The following SLC25A48 variants were observed in gnomAD, a reference collection of about 807,000 sequenced individuals.
SLC25A48 encodes the protein solute carrier family 25 member 48, also known as CTC-321K16.1.
In SLC25A48, 29 loss-of-function variants were observed where a neutral mutation model predicts 32.2. The ratio of observed to expected loss-of-function variants is 0.90; its 90% CI spans 0.67 to 1.23. The LOEUF (loss-of-function observed/expected upper bound fraction) is 1.23, where lower values mean the gene tolerates loss of function less well. Among genes scored for constraint, SLC25A48 ranks in the 50% most tolerant of loss-of-function variants. SLC25A48 has a pLI of 0.00. For synonymous variants in SLC25A48, 164 were observed against 172.3 expected, an observed-to-expected ratio of 0.95 and a Z score of 0.38; for missense variants, 399 against 422.7, an observed-to-expected ratio of 0.94 and a Z score of 0.49.
chr5:135,681,049 G>A (rs548929679), intron 3 of SLC25A48, among the ~76,000 whole-genome samples: 1 of 151,986 alleles, frequency 6.6e-6, no homozygotes, highest in East Asian at 1.9e-4. Flanking sequence ...GCAATTGCAC[G>A]ATCTTGGCTC....
chr5:135,610,036 T>C (rs1752028679), intron 1 of SLC25A48, among the ~76,000 whole-genome samples: 1 of 152,198 alleles, frequency 6.6e-6, no homozygotes, highest in African/African-American at 2.4e-5. Flanking sequence ...GGCCATTTGG[T>C]AGCAAAAGCA....
intron 3 of SLC25A48, among the ~76,000 whole-genome samples, chr5:135,788,360 A>AC (rs74498744): frequency 5.0e-5 from 7 of 139,506 alleles, no homozygotes; most frequent in African/African-American, 1.4e-4. Flanking sequence ...GGGGGTGTAC[A>AC]CCCCCCCGCC....
chr5:135,705,310 T>C (rs187888036), intron 3 of SLC25A48, among the ~76,000 whole-genome samples: 60 of 152,342 alleles, frequency 3.9e-4, no homozygotes, highest in African/African-American at 1.4e-3. Context: ...TCACTGTTGA[T>C]AAATGGGAAG....
At chr5:135,831,708 AG>A, upstream of SLC25A48, among the ~76,000 whole-genome samples, 1 of 152,362 alleles carries the variant, frequency 6.6e-6, no homozygotes, top group East Asian at 1.9e-4. Flanking sequence ...AAAGTGGAAA[AG>A]CAGCCAGACC....
intron 2 of SLC25A48, among the ~76,000 whole-genome samples, chr5:135,631,440 T>A (rs959846679): frequency 6.6e-6 from 1 of 152,242 alleles, no homozygotes; most frequent in African/African-American, 2.4e-5. Flanking sequence ...CAGCCTTTTA[T>A]CTTCACAGGG....
intron 1 of SLC25A48, among the ~76,000 whole-genome samples, chr5:135,836,981 CCACACA>C (rs1173100163): frequency 8.6e-4 from 16 of 18,514 alleles, no homozygotes; most frequent in Non-Finnish European, 1.2e-3. Context: ...CCCCCCCCCC[CCACACA>C]CACACACATT....
intron 4 of SLC25A48, among the ~76,000 whole-genome samples, chr5:135,860,482 A>G (rs964771229): frequency 2.0e-5 from 3 of 152,134 alleles, no homozygotes; most frequent in African/African-American, 7.2e-5. Flanking sequence ...AGTGGTCACA[A>G]CCCCACTTTA....
chr5:135,664,604 C>T (rs905685389), intron 3 of SLC25A48, among the ~76,000 whole-genome samples: 6 of 152,126 alleles, frequency 3.9e-5, no homozygotes, highest in Non-Finnish European at 5.9e-5. Context: ...CCTAAGTCTC[C>T]GTAGTCCATT....
At chr5:135,739,068 C>T (rs543201933) in intron 3 of SLC25A48, among the ~76,000 whole-genome samples, 36 of 152,138 alleles carry the variant, frequency 2.4e-4, no homozygotes, top group Non-Finnish European at 2.5e-4. Context: ...GGCAACACAG[C>T]GATACTCCAT....
chr5:135,597,614 C>A (rs1436730969), intron 1 of SLC25A48, among the ~76,000 whole-genome samples: 1 of 152,254 alleles, frequency 6.6e-6, no homozygotes, highest in Non-Finnish European at 1.5e-5. Flanking sequence ...CTTCTCAAAT[C>A]TGGTGTGAGT....
chr5:135,754,253 C>T (rs1755840222), intron 3 of SLC25A48, among the ~76,000 whole-genome samples: 1 of 151,620 alleles, frequency 6.6e-6, no homozygotes, highest in African/African-American at 2.4e-5. Context: ...AGTCATTTCT[C>T]AAGGGTATTA....
chr5:135,688,339 A>G (rs1754066451), intron 3 of SLC25A48, among the ~76,000 whole-genome samples: 1 of 151,520 alleles, frequency 6.6e-6, no homozygotes, highest in South Asian at 2.1e-4. Context: ...GCCTCTGTGG[A>G]TACAGTTGAA....
At chr5:135,639,291 A>C (rs1466531165) in intron 3 of SLC25A48, among the ~76,000 whole-genome samples, 2 of 152,230 alleles carry the variant, frequency 1.3e-5, no homozygotes, top group East Asian at 3.8e-4. Context: ...CCAGACAATG[A>C]AAACTTTCAG....
chr5:135,878,636 G>C (rs1265090105), intron 6 of SLC25A48, among the ~76,000 whole-genome samples: 1 of 152,116 alleles, frequency 6.6e-6, no homozygotes, highest in African/African-American at 2.4e-5. Context: ...AGTGACAGAG[G>C]CCTGCACCAA....
rs552327240 is a variant in SLC25A48, at chr5:135,753,409, C to A, written c.-520-59114C>A. On this transcript the variant is annotated intron_variant, in intron 3 of 10. Coordinates refer to the SLC25A48 transcript ENST00000646290. ...ACGGGCTGTACACACAGAGCGCAAA[C>A]CCATGGTGTTATTAGTGGTAATATC... 1.1e-4 allele frequency among the ~76,000 whole-genome samples: 16 copies of A among 152,052 alleles called. 1 individual carries two copies. The South Asian group carries it at 1.2e-3, about 12-fold the overall frequency.
intron 2 of SLC25A48, among the ~76,000 whole-genome samples, chr5:135,847,173 A>G (rs909429304): frequency 3.3e-5 from 5 of 152,226 alleles, no homozygotes; most frequent in Admixed American, 3.3e-4. Context: ...AAGCTGGGCT[A>G]GGGAACCAAG....
intron 3 of SLC25A48, among the ~76,000 whole-genome samples, chr5:135,729,617 G>T (rs1755178364): frequency 1.3e-5 from 2 of 152,110 alleles, no homozygotes; most frequent in African/African-American, 4.8e-5. Context: ...AGAAATATCA[G>T]TTTTAAATGA....
At chr5:135,614,101 C>T (rs1580724328) in intron 1 of SLC25A48, among the ~76,000 whole-genome samples, 1 of 152,026 alleles carries the variant, frequency 6.6e-6, no homozygotes, top group East Asian at 1.9e-4. Flanking sequence ...TTTGTTGTGT[C>T]CTCTTCAATT....
chr5:135,713,753 A>G (rs1341860344), intron 3 of SLC25A48, among the ~76,000 whole-genome samples: 1 of 152,128 alleles, frequency 6.6e-6, no homozygotes, highest in East Asian at 1.9e-4. Context: ...ACGAGGTTTG[A>G]ATTTGTGTGG....
Sources: gnomAD v4.1 joint callset for allele counts (sites outside exome capture counted in the v4.1 genomes callset) on GRCh38, gnomAD v4.1.1 for gene constraint, MANE v1.5 for transcripts, NCBI Gene and HGNC (gene_info 2026-07-23, HGNC 2026-07-21) for gene names.